Variants in MIS18A observed in about 807,000 individuals in gnomAD.
MIS18A encodes MIS18 kinetochore protein A.
Under a neutral mutation model 25.0 loss-of-function variants are expected in MIS18A, and 14 were observed. The ratio of observed to expected loss-of-function variants is 0.56; its 90% CI spans 0.37 to 0.88. The LOEUF is 0.88. MIS18A is among the 40% of genes least tolerant of loss of function. The pLI is 0.00. For missense variants in MIS18A, 292 were observed against 290.8 expected, an observed-to-expected ratio of 1.00 and a Z score of -0.03; for synonymous variants, 134 against 118.6, an observed-to-expected ratio of 1.13 and a Z score of -0.84.
At chr21:32,165,884 A>T in the MIS18A span, among the ~76,000 whole-genome samples, 22 of 152,308 alleles carry the variant, frequency 1.4e-4, no homozygotes, top group Non-Finnish European at 2.9e-4. Flanking sequence ...TACCTACTTC[A>T]TGCTAACTGC....
At chr21:32,231,557 G>C in the MIS18A span, among the ~76,000 whole-genome samples, 1 of 152,160 alleles carries the variant, frequency 6.6e-6, no homozygotes, top group Non-Finnish European at 1.5e-5. Context: ...CAAGGATGTG[G>C]AGAAATTTGA....
the MIS18A span, among the ~76,000 whole-genome samples, chr21:32,237,784 TAAC>T: frequency 2.9e-3 from 447 of 152,294 alleles, 3 homozygotes; most frequent in African/African-American, 9.8e-3. Context: ...ATTTTATTGT[TAAC>T]ATACTATTAG....
the MIS18A span, among the ~76,000 whole-genome samples, chr21:32,195,788 G>A: frequency 3.4e-4 from 52 of 152,294 alleles, no homozygotes; most frequent in Non-Finnish European, 6.2e-4. Context: ...GGGAGGCAGA[G>A]GCAGGTGGAT....
chr21:32,217,787 G>T, the MIS18A span, among the ~76,000 whole-genome samples: 1 of 152,012 alleles, frequency 6.6e-6, no homozygotes, highest in Non-Finnish European at 1.5e-5. Context: ...ATGGAATCGG[G>T]AAGGCAAAGG....
At chr21:32,250,876 C>T in the MIS18A span, among the ~76,000 whole-genome samples, 1 of 152,208 alleles carries the variant, frequency 6.6e-6, no homozygotes, top group Admixed American at 6.5e-5. Flanking sequence ...CCACCCAAAC[C>T]TCACTTGAAT....
At chr21:32,247,225 T>C in the MIS18A span, among the ~76,000 whole-genome samples, 2 of 152,132 alleles carry the variant, frequency 1.3e-5, no homozygotes, top group Non-Finnish European at 2.9e-5. Flanking sequence ...TCTTACCTAC[T>C]TGGTAAGCAG....
the MIS18A span, among the ~76,000 whole-genome samples, chr21:32,253,314 G>A: frequency 2.6e-5 from 4 of 152,174 alleles, no homozygotes; most frequent in Non-Finnish European, 4.4e-5. Flanking sequence ...GCGGGCATGC[G>A]CAGTTTCCAG....
the MIS18A span, among the ~76,000 whole-genome samples, chr21:32,176,029 G>T: frequency 6.6e-6 from 1 of 152,002 alleles, no homozygotes; most frequent in African/African-American, 2.4e-5. Context: ...CCACTGGCAG[G>T]TCTCCACACA....
chr21:32,266,600 T>C (rs922943375), downstream of MIS18A, among the ~76,000 whole-genome samples: 6 of 151,464 alleles, frequency 4.0e-5, no homozygotes, highest in African/African-American at 1.2e-4. Flanking sequence ...ACGCGCTGCC[T>C]TAAGAGCTGT....
At chr21:32,161,909 T>C in the MIS18A span, among the ~76,000 whole-genome samples, 4 of 152,048 alleles carry the variant, frequency 2.6e-5, no homozygotes, top group South Asian at 8.3e-4. Context: ...AAAACTAGGA[T>C]AGAACCCAGG....
the MIS18A span, among the ~76,000 whole-genome samples, chr21:32,200,893 C>A: frequency 6.6e-6 from 1 of 152,172 alleles, no homozygotes; most frequent in Non-Finnish European, 1.5e-5. Flanking sequence ...CTTTTGATAA[C>A]CCTCAGGAGG....
chr21:32,219,631 T>G, the MIS18A span, among the ~76,000 whole-genome samples: 1 of 152,062 alleles, frequency 6.6e-6, no homozygotes, highest in Non-Finnish European at 1.5e-5. Context: ...GACAGAACGG[T>G]TCACTCCCTG....
At chr21:32,242,257 A>G in the MIS18A span, among the ~76,000 whole-genome samples, 1 of 152,228 alleles carries the variant, frequency 6.6e-6, no homozygotes, top group Admixed American at 6.5e-5. Context: ...CCACATCAGG[A>G]GGAGGGATGA....
the MIS18A span, among the ~76,000 whole-genome samples, chr21:32,198,804 G>T: frequency 2.0e-5 from 3 of 152,262 alleles, no homozygotes; most frequent in African/African-American, 7.2e-5. Flanking sequence ...GAATTGAAAA[G>T]GTGGCTTTAG....
At chr21:32,277,779 C>G (rs2031843599) in intron 1 of MIS18A, 1 of 152,142 alleles carries the variant, frequency 6.6e-6, no homozygotes, top group Non-Finnish European at 1.5e-5. Context: ...GCACCGCGCT[C>G]GGCCTGGTTT....
At chr21:32,169,233 A>C in the MIS18A span, among the ~76,000 whole-genome samples, 3 of 151,722 alleles carry the variant, frequency 2.0e-5, no homozygotes, top group South Asian at 4.2e-4. Context: ...AGCCACTGGA[A>C]GGGGCATAAC....
chr21:32,268,973 G>A lies in MIS18A; in HGVS notation c.*64C>T. On this transcript the variant is annotated 3_prime_UTR_variant, in exon 5 of 5. Coordinates refer to ENST00000290130, the MANE Select transcript of MIS18A (RefSeq NM_018944.3). The stretch of plus-strand genomic sequence containing the variant: ...TTTTGTAGAGACGACGTCTCACTAT[G>A]TTGCTTCATTTAACAAATAAGGGGA... 9.0e-7 allele frequency: 1 copy of A among 1,106,144 alleles called. No individual in the cohort carries two copies. Among genetic ancestry groups the A allele is most frequent in the South Asian group, 1.7e-5 (1 of 59,514 alleles). 68.5% of individuals were successfully genotyped at this position (1,106,144 alleles called of 1,614,324 possible).
the MIS18A span, among the ~76,000 whole-genome samples, chr21:32,196,928 A>G: frequency 6.6e-6 from 1 of 152,180 alleles, no homozygotes. Flanking sequence ...CCTAAAGTCC[A>G]TGGTTCACAC....
chr21:32,243,575 C>A, the MIS18A span, among the ~76,000 whole-genome samples: 1 of 152,138 alleles, frequency 6.6e-6, no homozygotes, highest in Non-Finnish European at 1.5e-5. Flanking sequence ...GGTGAGGATG[C>A]AGAGAAACTG....
Sources: gnomAD v4.1 joint callset for allele counts (sites outside exome capture counted in the v4.1 genomes callset) on GRCh38, gnomAD v4.1.1 for gene constraint, MANE v1.5 for transcripts, NCBI Gene and HGNC (gene_info 2026-07-23, HGNC 2026-07-21) for gene names.